The following CHRM3 variants were observed in gnomAD, a reference collection of about 807,000 sequenced individuals.
The protein encoded by CHRM3 is muscarinic acetylcholine receptor M3.
Under a neutral mutation model 41.8 loss-of-function variants are expected in CHRM3, and 11 were observed. The observed-to-expected ratio is 0.26, with a 90% confidence interval of 0.17 to 0.44. The LOEUF is 0.44. Among genes scored for constraint, CHRM3 ranks in the 20% least tolerant of loss-of-function variants. The probability of loss-of-function intolerance (pLI) is 1.00; values close to 1 mark genes in which losing one functional copy is unlikely to be tolerated. For synonymous variants in CHRM3, 297 were observed against 301.4 expected (o/e 0.99, Z 0.15); for missense variants, 571 against 745.4 (o/e 0.77, Z 2.72).
Position 239,703,076 on chromosome 1 carries a change from T to C in CHRM3, c.-147+24788T>C, listed in dbSNP as rs1386851977. The C allele has an allele frequency of 3.3e-5, 5 of 152,206 alleles. No homozygotes were observed. In the East Asian group the frequency reaches 9.6e-4, roughly 29 times the overall value. The allele number at this position is 152,206 out of a possible 1,614,324, so 9.4% of individuals were successfully genotyped here. On this transcript the variant is annotated intron_variant, in intron 5 of 6. Transcript: ENST00000676153. ...GATTAGGCCCCCCAACTTTAGGCTT[T>C]ATGGCAGTGGGCTTGATGTTCTAAA... is the stretch of plus-strand genomic sequence containing the variant.
chr1:239,868,145 A>G (rs932298764), intron 6 of CHRM3, among the ~76,000 whole-genome samples: 3 of 152,204 alleles, frequency 2.0e-5, no homozygotes, highest in African/African-American at 7.2e-5. Flanking sequence ...CATTCACAGG[A>G]AGGTACTATT....
At chr1:239,489,657 G>A (rs970764988) in intron 1 of CHRM3, among the ~76,000 whole-genome samples, 5 of 152,042 alleles carry the variant, frequency 3.3e-5, no homozygotes, top group Non-Finnish European at 5.9e-5. Context: ...TGCTATTTTG[G>A]GGGGCTTTAA....
At chr1:239,436,113 G>A (rs1252729854) in intron 1 of CHRM3, among the ~76,000 whole-genome samples, 1 of 152,204 alleles carries the variant, frequency 6.6e-6, no homozygotes, top group Non-Finnish European at 1.5e-5. Flanking sequence ...GTGTGTGCAT[G>A]TGTATGCTCA....
intron 1 of CHRM3, among the ~76,000 whole-genome samples, chr1:239,398,482 C>T (rs964122873): frequency 5.3e-5 from 8 of 152,100 alleles, no homozygotes; most frequent in African/African-American, 1.2e-4. Flanking sequence ...GTGATCTGCC[C>T]GCCTCGGCCT....
chr1:239,458,024 A>T (rs1026709130), intron 1 of CHRM3, among the ~76,000 whole-genome samples: 1 of 152,114 alleles, frequency 6.6e-6, no homozygotes, highest in Non-Finnish European at 1.5e-5. Context: ...TCAGGAAAGT[A>T]CGTGCCACAG....
At chr1:239,873,319 CATG>C in intron 6 of CHRM3, among the ~76,000 whole-genome samples, 1 of 152,236 alleles carries the variant, frequency 6.6e-6, no homozygotes, top group East Asian at 1.9e-4. Context: ...ACACAGGGAA[CATG>C]ATAATGCAAA....
chr1:239,826,942 A>C (rs1672509490), intron 5 of CHRM3: 1 of 152,222 alleles, frequency 6.6e-6, no homozygotes, highest in Admixed American at 6.5e-5. Flanking sequence ...AAAGCAACAT[A>C]TGGAGAAATA....
At chr1:239,740,074 A>G (rs1220032334) in intron 5 of CHRM3, among the ~76,000 whole-genome samples, 2 of 152,176 alleles carry the variant, frequency 1.3e-5, no homozygotes, top group Non-Finnish European at 2.9e-5. Context: ...GGGATAGTGT[A>G]GTAGAGAAGA....
At chr1:239,723,635 T>G (rs895999178) in intron 5 of CHRM3, among the ~76,000 whole-genome samples, 1 of 151,968 alleles carries the variant, frequency 6.6e-6, no homozygotes, top group African/African-American at 2.4e-5. Context: ...ACTTCATATG[T>G]TCTGTCTCAC....
intron 5 of CHRM3, among the ~76,000 whole-genome samples, chr1:239,824,908 G>A (rs1319113122): frequency 1.3e-5 from 2 of 152,208 alleles, no homozygotes; most frequent in Non-Finnish European, 2.9e-5. Flanking sequence ...AATAAGGCCT[G>A]ATTCCTTCAA....
rs559343830 is a variant in CHRM3 at position 239,675,289 on chromosome 1, C to G, written c.-249-2897C>G. Among the ~76,000 whole-genome samples the G allele has an allele frequency of 5.9e-5, 9 of 152,260 alleles. No individual in the cohort carries two copies. In the South Asian group the frequency reaches 1.9e-3, roughly 32 times the overall value. On this transcript the variant is annotated intron_variant, in intron 4 of 6. Transcript: ENST00000676153. The stretch of plus-strand genomic sequence containing the variant: ...CCAATTTCTCTTTTAAAAATCTTAT[C>G]CAAGCTTGTGCCCATTAGGTTTCTC...
chr1:239,435,633 T>C (rs927650577), intron 1 of CHRM3, among the ~76,000 whole-genome samples: 3 of 152,090 alleles, frequency 2.0e-5, no homozygotes, highest in African/African-American at 7.2e-5. Flanking sequence ...ATGTTTCTTT[T>C]TGGTAAGTGT....
intron 1 of CHRM3, among the ~76,000 whole-genome samples, chr1:239,408,917 C>T (rs756324829): frequency 5.3e-5 from 8 of 152,072 alleles, no homozygotes; most frequent in African/African-American, 9.7e-5. Context: ...CTACTATGCC[C>T]GGCCTCCAGA....
intron 1 of CHRM3, among the ~76,000 whole-genome samples, chr1:239,391,565 T>C (rs1462583342): frequency 6.6e-6 from 1 of 152,098 alleles, no homozygotes; most frequent in Admixed American, 6.5e-5. Flanking sequence ...GCTCATCCCC[T>C]CCTGAAGGCC....
intron 3 of CHRM3, among the ~76,000 whole-genome samples, chr1:239,611,609 TG>T (rs1453436092): frequency 6.6e-6 from 1 of 151,830 alleles, no homozygotes; most frequent in Non-Finnish European, 1.5e-5. Flanking sequence ...TTAGTAGAGA[TG>T]GGGTTTCACC....
At chr1:239,500,201 A>G (rs1668135938) in intron 2 of CHRM3, among the ~76,000 whole-genome samples, 2 of 152,190 alleles carry the variant, frequency 1.3e-5, no homozygotes, top group South Asian at 4.1e-4. Context: ...ACAATAGCGA[A>G]GACTTGGAAC....
chr1:239,492,936 C>T (rs758986874), intron 2 of CHRM3, 129 bp downstream of exon 2: 2 of 152,170 alleles, frequency 1.3e-5, no homozygotes, highest in Non-Finnish European at 2.9e-5. Context: ...TCTGAGAAGA[C>T]TAACACTTCA....
intron 1 of CHRM3, among the ~76,000 whole-genome samples, chr1:239,410,795 A>G (rs1312324753): frequency 6.6e-6 from 1 of 152,176 alleles, no homozygotes; most frequent in African/African-American, 2.4e-5. Context: ...TAAGACTTCT[A>G]CCACACTGCC....
chr1:239,716,095 G>T (rs1328509719), intron 5 of CHRM3, among the ~76,000 whole-genome samples: 1 of 152,050 alleles, frequency 6.6e-6, no homozygotes, highest in Non-Finnish European at 1.5e-5. Flanking sequence ...GGGACGACAA[G>T]AATTCAAACG....
Sources: gnomAD v4.1 joint callset for allele counts (sites outside exome capture counted in the v4.1 genomes callset) on GRCh38, gnomAD v4.1.1 for gene constraint, MANE v1.5 for transcripts, NCBI Gene and HGNC (gene_info 2026-07-23, HGNC 2026-07-21) for gene names.